COL5A1: variants seen among roughly 807,000 people sequenced by gnomAD.
COL5A1 encodes collagen alpha-1(V) chain.
COL5A1 carries 16 observed loss-of-function variants against 263.7 expected under a neutral mutation model. The observed-to-expected ratio is 0.06, with a 90% CI of 0.04 to 0.09. The LOEUF (loss-of-function observed/expected upper bound fraction) is 0.09. Ranked by LOEUF, COL5A1 falls within the 10% of genes least tolerant of loss-of-function variation. The pLI is 1.00. For missense variants in COL5A1, 2,036 were observed against 2,540.5 expected (o/e 0.80, Z 4.27); for synonymous variants, 1,012 against 1,004.5 (o/e 1.01, Z -0.14).
intron 39 of COL5A1, 93 bp from the exon 40 acceptor site, chr9:134,804,882 G>C: frequency 1.8e-6 from 2 of 1,110,224 alleles, no homozygotes; most frequent in Middle Eastern, 2.5e-4. Flanking sequence ...CTGGCTCCAA[G>C]AGAGAAGGCC....
intron 4 of COL5A1, among the ~76,000 whole-genome samples, chr9:134,711,274 C>A (rs529054921): frequency 6.6e-6 from 1 of 152,178 alleles, no homozygotes; most frequent in South Asian, 2.1e-4. Context: ...AGCAGACGGT[C>A]CAGGTGGTCA....
At position 134,785,069 on chromosome 9, in the gene COL5A1, C is replaced by G. The variant is rs530881241; in HGVS notation, c.2565C>G (p.Pro855=). The G allele has an allele frequency of 3.1e-6, 5 of 1,613,256 alleles. No individual in the cohort carries two copies. The highest frequency in any genetic ancestry group is 1.1e-5 in the South Asian group (1 of 91,078). The change falls in exon 30 of 66, where the codon CCC becomes CCG. Residue 855 remains proline (P), a synonymous_variant. Transcript: ENST00000371817. ...GTCGCGGAGGTCCCAATGGTGACCCCGGTCCTCTGGGACCCCCTGGGGAGA... is the reference window on the plus strand; with the variant it reads ...GTCGCGGAGGTCCCAATGGTGACCCGGGTCCTCTGGGACCCCCTGGGGAGA... ...PKGRGGPNGD[P]GPLGPPGEKG...
At chr9:134,733,002 G>A (rs939477967) in intron 9 of COL5A1, among the ~76,000 whole-genome samples, 5 of 152,202 alleles carry the variant, frequency 3.3e-5, no homozygotes, top group Admixed American at 6.5e-5. Flanking sequence ...CGGAGAGCAG[G>A]GAGGAGCCAG....
In COL5A1 at chr9:134,775,088, G is replaced by A. The variant is rs890943187; in HGVS notation, c.2385+176G>A. 7.2e-5 allele frequency among the ~76,000 whole-genome samples: 11 copies of A among 152,370 alleles called. 1 individual carries two copies. The highest frequency in any genetic ancestry group is 3.3e-4 in the Admixed American group (5 of 15,308). ...CGCTAGGTCTCAGGACAGCGGGCCT[G>A]AGCAGGTGAGGGTGTGACCAGCTAG... On this transcript the variant is annotated intron_variant, in intron 27 of 65. Coordinates refer to ENST00000371817, the MANE Select transcript of COL5A1 (RefSeq NM_000093.5).
At chr9:134,665,417 T>C (rs558605065) in intron 1 of COL5A1, among the ~76,000 whole-genome samples, 1 of 152,284 alleles carries the variant, frequency 6.6e-6, no homozygotes, top group African/African-American at 2.4e-5. Flanking sequence ...ATCTCCAAGA[T>C]ATGTTAAGTA....
chr9:134,764,711 G>A (rs2132723873), intron 20 of COL5A1, among the ~76,000 whole-genome samples: 1 of 152,250 alleles, frequency 6.6e-6, no homozygotes, highest in South Asian at 2.1e-4. Context: ...GGAGGCAGGG[G>A]TCGGTGCCTG....
Position 134,681,018 on chromosome 9 carries a change from C to T in COL5A1, c.110-9894C>T, listed in dbSNP as rs1268165171. ...CTCGGCCTGTGCTGCAGCCCCAGGC[C>T]CTCTGTGCATTTCCCACCCCCTGCC... On this transcript the variant is annotated intron_variant, in intron 1 of 65. Coordinates refer to ENST00000371817, the MANE Select transcript of COL5A1 (RefSeq NM_000093.5). The surrounding 1 kb of genome is among the most constrained non-coding windows in gnomAD (Gnocchi z 4.3). 2.0e-5 allele frequency among the ~76,000 whole-genome samples: 3 copies of T among 152,084 alleles called. No individual in the cohort carries two copies. The highest frequency in any genetic ancestry group is 7.2e-5 in the African/African-American group (3 of 41,404).
intron 46 of COL5A1, among the ~76,000 whole-genome samples, chr9:134,812,031 C>T (rs1443616015): frequency 6.6e-6 from 1 of 152,166 alleles, no homozygotes; most frequent in Non-Finnish European, 1.5e-5. Context: ...TCCCAGCTTT[C>T]CCCATTTTCC....
chr9:134,766,648 G>A, intron 22 of COL5A1, 150 bp downstream of exon 22: 1 of 771,976 alleles, frequency 1.3e-6, no homozygotes, highest in Non-Finnish European at 2.1e-6. Flanking sequence ...ACCCTCCAGT[G>A]GTGAGTGGCA....
chr9:134,691,406 G>A (rs537965961), intron 2 of COL5A1, among the ~76,000 whole-genome samples: 1 of 152,324 alleles, frequency 6.6e-6, no homozygotes, highest in African/African-American at 2.4e-5. Flanking sequence ...GAGTCGGATG[G>A]GTCCTGAGGG....
At position 134,821,265 on chromosome 9, in the gene COL5A1, C is replaced by T. The variant is rs1564483385; in HGVS notation, c.4555-832C>T. ...CACCCTGTTTGCTCACCTGCCCTCA[C>T]CCCAAACCATGGTCTTGGCGGCATT... On this transcript the variant is annotated intron_variant, in intron 58 of 65. Transcript: ENST00000371817. The surrounding 1 kb of genome is among the most constrained non-coding windows in gnomAD (Gnocchi z 4.2). Among the ~76,000 whole-genome samples, 1 of 152,102 alleles carries T rather than the reference C, an allele frequency of 6.6e-6. No individual in the cohort carries two copies.
At chr9:134,690,509 G>A (rs1316671451) in intron 1 of COL5A1, among the ~76,000 whole-genome samples, 3 of 152,196 alleles carry the variant, frequency 2.0e-5, no homozygotes, top group Admixed American at 1.3e-4. Flanking sequence ...CTCTCCTTAC[G>A]TGGCCAATGA....
intron 27 of COL5A1, among the ~76,000 whole-genome samples, chr9:134,775,181 C>T (rs1164497432): frequency 4.6e-5 from 7 of 152,346 alleles, no homozygotes; most frequent in South Asian, 2.1e-4. Flanking sequence ...GGCGCGCTGG[C>T]GGCCATCTGT....
In COL5A1 at chr9:134,842,569, A is replaced by G. The variant is rs1588622155; in HGVS notation, c.*266A>G. 1.8e-6 allele frequency: 1 copy of G among 565,346 alleles called. No homozygotes were observed. The highest frequency in any genetic ancestry group is 3.2e-6 in the Non-Finnish European group (1 of 316,156). The allele number at this position is 565,346 out of a possible 1,614,324, so 35.0% of individuals were successfully genotyped here. On this transcript the variant is annotated 3_prime_UTR_variant, in exon 66 of 66. Transcript: ENST00000371817. This position sits in a 1 kb window ranked among gnomAD's most constrained non-coding sequence, Gnocchi z 5.8. ...CCCGCCCCACGCTCTGTCCACACCC[A>G]CGCGCCCCGGGAGCGGGGCCATGCC...
intron 63 of COL5A1, among the ~76,000 whole-genome samples, chr9:134,828,570 ACAC>A (rs1839399765): frequency 6.8e-6 from 1 of 146,950 alleles, no homozygotes; most frequent in East Asian, 2.0e-4. Context: ...CACACAATAC[ACAC>A]CACATATACC....
intron 1 of COL5A1, among the ~76,000 whole-genome samples, chr9:134,664,451 G>T (rs537739990): frequency 6.6e-6 from 1 of 152,196 alleles, no homozygotes; most frequent in Admixed American, 6.5e-5. Flanking sequence ...CCTATCTGAC[G>T]GAAAGGGGGT....
chr9:134,829,952 C>T (rs1404541316), intron 63 of COL5A1, 24 bp from the exon 64 acceptor site: 1 of 1,609,130 alleles, frequency 6.2e-7, no homozygotes, highest in South Asian at 1.1e-5. Context: ...TCTCTCCCTC[C>T]CCACCTCCCC....
rs746091599 is a variant in COL5A1 at position 134,732,115 on chromosome 9, G to A, written c.1377G>A (p.Ala459=). 4.3e-6 allele frequency: 7 copies of A among 1,614,230 alleles called. No homozygotes were observed. Among genetic ancestry groups the A allele is most frequent in the East Asian group, 2.2e-5 (1 of 44,886 alleles). Residue 459 remains alanine, a synonymous_variant, in exon 9 of 66, where the codon GCG becomes GCA. Transcript: ENST00000371817. ...AGAAAGGCCAAAAGGGAGAACCAGC[G>A]ATTATCGAGCCGGTGAGGACATTTT... ...RGEKGQKGEP[A]IIEPGMLIEG...
intron 27 of COL5A1, among the ~76,000 whole-genome samples, chr9:134,776,841 G>C (rs1454266994): frequency 6.6e-6 from 1 of 152,212 alleles, no homozygotes; most frequent in African/African-American, 2.4e-5. Context: ...GTCTGCGGAA[G>C]GCTGCTGTCT....
Sources: gnomAD v4.1 joint callset for allele counts (sites outside exome capture counted in the v4.1 genomes callset) on GRCh38, gnomAD v4.1.1 for gene constraint, Gnocchi (gnomAD v3.1) non-coding constraint, MANE v1.5 for transcripts, NCBI Gene and HGNC (gene_info 2026-07-23, HGNC 2026-07-21) for gene names.